The following RBFOX1 variants were observed in gnomAD, a reference collection of about 807,000 sequenced individuals.
RBFOX1 encodes the protein RNA binding protein fox-1 homolog 1.
RBFOX1 carries 8 observed loss-of-function variants against 57.7 expected under a neutral mutation model. That is an observed-to-expected ratio of 0.14 (90% CI 0.08 to 0.25). The LOEUF (loss-of-function observed/expected upper bound fraction) is 0.25, where lower values mean the gene tolerates loss of function less well. Among genes scored for constraint, RBFOX1 ranks in the 10% least tolerant of loss-of-function variants. The pLI, the probability that RBFOX1 is intolerant of heterozygous loss-of-function variation, is 1.00. For synonymous variants in RBFOX1, 326 were observed against 222.4 expected (o/e 1.47, Z -4.15); for missense variants, 611 against 548.5 (o/e 1.11, Z -1.14).
At chr16:5,497,702 C>T (rs1048816233) in intron 2 of RBFOX1, among the ~76,000 whole-genome samples, 2 of 151,826 alleles carry the variant, frequency 1.3e-5, no homozygotes, top group African/African-American at 4.9e-5. Context: ...TCACTTGAAC[C>T]CAAGAGGCAG....
At chr16:7,218,587 A>G (rs1213295118) in intron 4 of RBFOX1, among the ~76,000 whole-genome samples, 1 of 150,702 alleles carries the variant, frequency 6.6e-6, no homozygotes, top group Non-Finnish European at 1.5e-5. Context: ...TGATTTTGTT[A>G]ACCAGAAGAC....
intron 2 of RBFOX1, among the ~76,000 whole-genome samples, chr16:6,493,988 A>T (rs1472151938): frequency 1.3e-5 from 2 of 152,218 alleles, no homozygotes; most frequent in Admixed American, 1.3e-4. Flanking sequence ...ATACAGAGAG[A>T]AGGTTGGCGA....
At chr16:6,502,977 G>A (rs549390565) in intron 2 of RBFOX1, among the ~76,000 whole-genome samples, 4 of 152,156 alleles carry the variant, frequency 2.6e-5, no homozygotes, top group Non-Finnish European at 5.9e-5. Context: ...AGATAATATC[G>A]ACTCAGCTGA....
intron 11 of RBFOX1, among the ~76,000 whole-genome samples, chr16:7,641,122 G>C (rs2062718488): frequency 6.6e-6 from 1 of 152,176 alleles, no homozygotes; most frequent in South Asian, 2.1e-4. Flanking sequence ...GGGAGAGGCT[G>C]AATCCAAGGG....
intron 1 of RBFOX1, among the ~76,000 whole-genome samples, chr16:6,214,808 AGGGAGAGG>A (rs1369116020): frequency 9.1e-5 from 7 of 77,282 alleles, no homozygotes; most frequent in Admixed American, 1.6e-4. Context: ...GGAGAGGGAC[AGGGAGAGG>A]GGGAGAGGGG....
chr16:6,778,200 T>C (rs2079719011), intron 3 of RBFOX1, among the ~76,000 whole-genome samples: 2 of 152,268 alleles, frequency 1.3e-5, no homozygotes, highest in South Asian at 2.1e-4. Flanking sequence ...CAATTCAGTC[T>C]CCCTGGTCAT....
intron 4 of RBFOX1, among the ~76,000 whole-genome samples, chr16:7,206,362 C>G (rs2089969327): frequency 6.6e-6 from 1 of 151,804 alleles, no homozygotes; most frequent in Admixed American, 6.6e-5. Context: ...GCCTAACATA[C>G]CCCTTATAAA....
chr16:6,601,569 G>C (rs1601154218), intron 2 of RBFOX1, among the ~76,000 whole-genome samples: 1 of 152,090 alleles, frequency 6.6e-6, no homozygotes, highest in South Asian at 2.1e-4. Flanking sequence ...GTTAGCTCTG[G>C]TTAAAGGCTG....
chr16:5,841,373 G>A (rs1033616433), intron 3 of RBFOX1, among the ~76,000 whole-genome samples: 3 of 152,084 alleles, frequency 2.0e-5, no homozygotes, highest in East Asian at 3.9e-4. Context: ...CCAAACTGCC[G>A]ATCATCCATC....
chr16:6,870,637 GAAACA>G (rs568886326), intron 3 of RBFOX1, among the ~76,000 whole-genome samples: 64 of 152,260 alleles, frequency 4.2e-4, no homozygotes, highest in African/African-American at 1.4e-3. Context: ...TAGATGAGCA[GAAACA>G]AAACAAACGA....
chr16:7,200,803 G>A (rs763302239), intron 4 of RBFOX1, among the ~76,000 whole-genome samples: 14 of 152,248 alleles, frequency 9.2e-5, no homozygotes, highest in African/African-American at 2.2e-4. Flanking sequence ...CTAACTCATC[G>A]TGATGAAAAC....
At chr16:5,523,285 C>CA (rs201036250) in intron 2 of RBFOX1, among the ~76,000 whole-genome samples, 11 of 151,006 alleles carry the variant, frequency 7.3e-5, no homozygotes, top group Non-Finnish European at 1.3e-4. Context: ...GACTCTGTTT[C>CA]AAAAAAAACA....
intron 2 of RBFOX1, among the ~76,000 whole-genome samples, chr16:6,422,482 C>T (rs2093803429): frequency 6.6e-6 from 1 of 152,046 alleles, no homozygotes; most frequent in African/African-American, 2.4e-5. Context: ...TCCATTCTCA[C>T]ACTGCTATAA....
intron 2 of RBFOX1, among the ~76,000 whole-genome samples, chr16:6,617,602 C>G (rs1327630016): frequency 6.6e-6 from 1 of 152,014 alleles, no homozygotes; most frequent in Non-Finnish European, 1.5e-5. Flanking sequence ...TGTGGGGGTT[C>G]CAAAGATTTA....
At position 7,043,449 on chromosome 16, in the gene RBFOX1, C is replaced by CA. The variant is rs1286029013; in HGVS notation, c.-15-8607dup. 3.3e-5 allele frequency among the ~76,000 whole-genome samples: 5 copies of CA among 152,284 alleles called. No homozygotes were observed. In the East Asian group the frequency reaches 9.7e-4, roughly 29 times the overall value. On this transcript the variant is annotated intron_variant, in intron 3 of 15. Coordinates refer to ENST00000550418, the MANE Select transcript of RBFOX1 (RefSeq NM_018723.4). The stretch of plus-strand genomic sequence containing the variant: ...AAATGTGTATCATAGTCCTGAAATG[C>CA]ATCAAGGAAAACGCAAACTCCAGGG...
At chr16:6,741,078 C>T (rs1290195060) in intron 3 of RBFOX1, among the ~76,000 whole-genome samples, 2 of 152,052 alleles carry the variant, frequency 1.3e-5, no homozygotes, top group Admixed American at 1.3e-4. Context: ...CAACATTGAC[C>T]AGCTGATTTT....
At chr16:7,184,934 G>A (rs564040579) in intron 4 of RBFOX1, among the ~76,000 whole-genome samples, 2 of 152,128 alleles carry the variant, frequency 1.3e-5, no homozygotes, top group African/African-American at 2.4e-5. Context: ...CCCAAAGTAC[G>A]TTTGATACTT....
At chr16:6,823,590 C>A (rs374080963) in intron 3 of RBFOX1, among the ~76,000 whole-genome samples, 12 of 152,232 alleles carry the variant, frequency 7.9e-5, no homozygotes, top group African/African-American at 2.9e-4. Context: ...AGTATATTAT[C>A]TTCTTCCTTC....
chr16:7,644,246 C>G (rs980905797), intron 11 of RBFOX1, among the ~76,000 whole-genome samples: 2 of 152,148 alleles, frequency 1.3e-5, no homozygotes, highest in Non-Finnish European at 2.9e-5. Flanking sequence ...GTGAAGATAG[C>G]AACAATCATG....
Sources: allele counts gnomAD v4.1 joint callset (sites outside exome capture counted in the v4.1 genomes callset), GRCh38; gene constraint gnomAD v4.1.1; transcripts MANE v1.5; gene names NCBI Gene and HGNC (gene_info 2026-07-23, HGNC 2026-07-21).